HIVEP3: variants seen among roughly 807,000 people sequenced by gnomAD.
The protein encoded by HIVEP3 is transcription factor HIVEP3.
HIVEP3 carries 49 observed loss-of-function variants against 152.8 expected under a neutral mutation model. The ratio of observed to expected loss-of-function variants is 0.32; its 90% CI spans 0.26 to 0.41. The LOEUF (loss-of-function observed/expected upper bound fraction) is 0.41. Ranked by LOEUF, HIVEP3 falls within the 10% of genes least tolerant of loss-of-function variation. The pLI, the probability that HIVEP3 is intolerant of heterozygous loss-of-function variation, is 1.00. For missense variants in HIVEP3, 2,790 were observed against 3,103.3 expected (o/e 0.90, Z 2.40); for synonymous variants, 1,269 against 1,289.0 (o/e 0.98, Z 0.33).
intron 1 of HIVEP3, among the ~76,000 whole-genome samples, chr1:41,996,196 C>A (rs1334926849): frequency 6.6e-6 from 1 of 151,782 alleles, no homozygotes; most frequent in African/African-American, 2.4e-5. Context: ...AGTTCAAGAC[C>A]AGCCTGGCCA....
intron 1 of HIVEP3, among the ~76,000 whole-genome samples, chr1:41,731,016 T>C (rs2124186224): frequency 6.6e-6 from 1 of 152,254 alleles, no homozygotes; most frequent in East Asian, 1.9e-4. Context: ...CTCTCCTCTG[T>C]GGCGTCTCTG....
intron 6 of HIVEP3, among the ~76,000 whole-genome samples, chr1:41,523,324 T>TTG (rs1642814296): frequency 6.6e-6 from 1 of 152,098 alleles, no homozygotes; most frequent in Non-Finnish European, 1.5e-5. Flanking sequence ...CAATGTGCCC[T>TTG]CTCTGGGCAA....
intron 1 of HIVEP3, among the ~76,000 whole-genome samples, chr1:41,791,214 T>C (rs1015833585): frequency 6.6e-6 from 1 of 152,052 alleles, no homozygotes; most frequent in African/African-American, 2.4e-5. Context: ...CTTCAATAGC[T>C]TGGGCTCCTT....
intron 1 of HIVEP3, among the ~76,000 whole-genome samples, chr1:41,706,522 T>C (rs1646436421): frequency 6.6e-6 from 1 of 152,238 alleles, no homozygotes; most frequent in South Asian, 2.1e-4. Flanking sequence ...CCTCAGGTGA[T>C]CCACCCACCT....
chr1:41,806,393 G>A (rs1650611489), intron 1 of HIVEP3, among the ~76,000 whole-genome samples: 1 of 152,216 alleles, frequency 6.6e-6, no homozygotes, highest in Non-Finnish European at 1.5e-5. Flanking sequence ...CACCCCCTCT[G>A]AAGCATGTCA....
intron 1 of HIVEP3, among the ~76,000 whole-genome samples, chr1:41,775,596 T>G (rs1475287386): frequency 6.6e-6 from 1 of 152,180 alleles, no homozygotes; most frequent in Non-Finnish European, 1.5e-5. Context: ...GTTCAAACGA[T>G]TCTCCTGCCT....
intron 3 of HIVEP3, among the ~76,000 whole-genome samples, chr1:41,600,306 G>A (rs1644727059): frequency 6.6e-6 from 1 of 152,186 alleles, no homozygotes; most frequent in South Asian, 2.1e-4. Context: ...GCCAAAGGTG[G>A]AAGCAATCCA....
At chr1:41,818,062 A>G (rs1401707125) in intron 1 of HIVEP3, among the ~76,000 whole-genome samples, 1 of 152,208 alleles carries the variant, frequency 6.6e-6, no homozygotes, top group South Asian at 2.1e-4. Flanking sequence ...GGCATCTGCG[A>G]TGTCTAAACA....
At chr1:41,840,960 C>A (rs1043855829) in intron 1 of HIVEP3, among the ~76,000 whole-genome samples, 2 of 152,206 alleles carry the variant, frequency 1.3e-5, no homozygotes, top group Non-Finnish European at 2.9e-5. Context: ...AACAGTGGAG[C>A]CTGATCACTT....
intron 1 of HIVEP3, among the ~76,000 whole-genome samples, chr1:41,940,831 G>A (rs573704644): frequency 1.3e-4 from 20 of 151,780 alleles, no homozygotes; most frequent in African/African-American, 4.1e-4. Context: ...AAAGAGAGAA[G>A]CTGGTAAAGA....
At chr1:42,032,093 G>A (rs996062867) in intron 1 of HIVEP3, among the ~76,000 whole-genome samples, 4 of 152,154 alleles carry the variant, frequency 2.6e-5, no homozygotes, top group African/African-American at 4.8e-5. Context: ...CTGGACAACA[G>A]AATCCCCTAA....
chr1:42,004,544 G>A lies in HIVEP3; in HGVS notation n.119+31263C>T, dbSNP rs369204092. ...AGAATGGTTGCTTGGAAGGCAAAGGGTCAGAACTGCCGACCGCTTGAGCTC... is the reference window on the plus strand; with the variant it reads ...AGAATGGTTGCTTGGAAGGCAAAGGATCAGAACTGCCGACCGCTTGAGCTC... On this transcript the variant is annotated intron_variant and non_coding_transcript_variant, in intron 1 of 3. Coordinates refer to the HIVEP3 transcript ENST00000489103. Among the ~76,000 whole-genome samples, 8 of 152,216 alleles carry A rather than the reference G, an allele frequency of 5.3e-5. No homozygotes were observed. In the East Asian group the frequency reaches 1.2e-3, roughly 22 times the overall value.
At position 41,944,884 on chromosome 1, in the gene HIVEP3, T is replaced by C. The variant is rs144156133; in HGVS notation, n.120-26360A>G. On this transcript the variant is annotated intron_variant and non_coding_transcript_variant, in intron 1 of 3. Coordinates refer to the HIVEP3 transcript ENST00000489103. Reference sequence around the variant, plus strand: ...CCAAGGCAAAAACACCCTGAAGATATATTCTGGAGAACTGGGGCCAATTTG... The same window carrying C: ...CCAAGGCAAAAACACCCTGAAGATACATTCTGGAGAACTGGGGCCAATTTG... 2.3e-3 allele frequency among the ~76,000 whole-genome samples: 343 copies of C among 152,196 alleles called. 1 individual carries two copies. The highest frequency in any genetic ancestry group is 4.4e-3 in the Non-Finnish European group (299 of 67,994).
rs535626131 is a variant in HIVEP3, at chr1:41,569,475, C to T, written c.5207+6069G>A. On this transcript the variant is annotated intron_variant, in intron 5 of 8. Coordinates refer to ENST00000372583, the MANE Select transcript of HIVEP3 (RefSeq NM_024503.5). ...TAATTCATAGTTTAATCAATTTGTT[C>T]CCCAATAAATACACAGAGGTAACAC... Among the ~76,000 whole-genome samples the T allele has an allele frequency of 7.4e-4, 112 of 152,202 alleles. 3 individuals are homozygous for T. The South Asian group carries it at 0.019, about 26-fold the overall frequency.
chr1:41,968,682 C>A (rs1645212627), intron 1 of HIVEP3, among the ~76,000 whole-genome samples: 1 of 152,126 alleles, frequency 6.6e-6, no homozygotes, highest in African/African-American at 2.4e-5. Flanking sequence ...CACTCCTATT[C>A]AACATAGTAT....
intron 2 of HIVEP3, among the ~76,000 whole-genome samples, chr1:41,636,564 T>C (rs1280258365): frequency 1.3e-5 from 2 of 151,980 alleles, no homozygotes; most frequent in Non-Finnish European, 2.9e-5. Context: ...GCAACATATA[T>C]GAAAAAGTGT....
Position 41,581,456 on chromosome 1 carries a change from A to T in HIVEP3, c.3342T>A (p.Thr1114=), listed in dbSNP as rs780067009. The T allele has an allele frequency of 5.1e-6, 8 of 1,577,760 alleles. No homozygotes were observed. Among genetic ancestry groups the T allele is most frequent in the Non-Finnish European group, 5.2e-6 (6 of 1,162,898 alleles). Residue 1114 remains threonine (T), a synonymous_variant, in exon 4 of 9, where the codon ACT becomes ACA. Transcript: ENST00000372583. This position sits in a 1 kb window ranked among gnomAD's most constrained non-coding sequence, Gnocchi z 4.5. The part of the protein sequence containing the change: ...PGQDRPPLGP[T]VPYTEALQVF... ...CTTGCAGTGCTTCTGTGTAGGGCAC[A>T]GTGGGCCCCAATGGGGGCCTGTCCT...
At chr1:41,549,508 T>C (rs941596724) in intron 5 of HIVEP3, among the ~76,000 whole-genome samples, 1 of 152,238 alleles carries the variant, frequency 6.6e-6, no homozygotes, top group African/African-American at 2.4e-5. Flanking sequence ...AAAGTGTTCC[T>C]ATTTCTCCAC....
Position 41,510,833 on chromosome 1 carries a change from C to T in HIVEP3, c.6839G>A (p.Arg2280Lys). 1 of 1,613,102 alleles carries T rather than the reference C, an allele frequency of 6.2e-7. No homozygotes were observed. The change falls in exon 9 of 9, where the codon AGG (arginine) becomes AAG (lysine). Residue 2280 changes from arginine to lysine, a missense_variant. Around this residue, in one of 9 missense-constraint regions of HIVEP3, gnomAD observed 816 missense variants for 806.5 expected, o/e 1.01. Coordinates refer to ENST00000372583, the MANE Select transcript of HIVEP3 (RefSeq NM_024503.5). ...EGGDYPKERERTGGGPGRPPD... is the reference protein window; with the variant it reads ...EGGDYPKEREKTGGGPGRPPD... ...AGGCCTGCCCGGGCCTCCGCCGGTC[C>T]TCTCCCTCTCCTTGGGGTAGTCCCC...
Sources: allele counts gnomAD v4.1 joint callset (sites outside exome capture counted in the v4.1 genomes callset), GRCh38; gene constraint gnomAD v4.1.1; regional missense constraint gnomAD v4.1.1; non-coding constraint Gnocchi (gnomAD v3.1); transcripts MANE v1.5; gene names NCBI Gene and HGNC (gene_info 2026-07-23, HGNC 2026-07-21).